FAM120B: variants seen among roughly 807,000 people sequenced by gnomAD.
FAM120B encodes the protein constitutive coactivator of peroxisome proliferator-activated receptor gamma.
In FAM120B, 83 loss-of-function variants were observed where a neutral mutation model predicts 96.3. The observed-to-expected ratio is 0.86, with a 90% CI of 0.72 to 1.03. The LOEUF (loss-of-function observed/expected upper bound fraction) is 1.03. Ranked by LOEUF, FAM120B falls within the 50% of genes least tolerant of loss-of-function variation. The pLI is 0.00. For missense variants in FAM120B, 1,027 were observed against 1,121.2 expected (o/e 0.92, Z 1.20); for synonymous variants, 407 against 402.7 (o/e 1.01, Z -0.13).
At chr6:170,339,356 T>C (rs1006495056) in intron 4 of FAM120B, among the ~76,000 whole-genome samples, 4 of 152,096 alleles carry the variant, frequency 2.6e-5, no homozygotes, top group African/African-American at 9.7e-5. Context: ...TGTCAGTGTT[T>C]TTGCCATTTT....
At chr6:170,337,947 T>C (rs1786550850) in intron 4 of FAM120B, among the ~76,000 whole-genome samples, 1 of 152,190 alleles carries the variant, frequency 6.6e-6, no homozygotes, top group African/African-American at 2.4e-5. Flanking sequence ...TAGCAGTCTA[T>C]CTATTTTGTT....
chr6:170,331,642 T>C (rs1786044074), intron 4 of FAM120B, among the ~76,000 whole-genome samples: 1 of 152,238 alleles, frequency 6.6e-6, no homozygotes, highest in African/African-American at 2.4e-5. Context: ...TCTTTCCAAA[T>C]ATAATATGGA....
upstream of FAM120B, among the ~76,000 whole-genome samples, chr6:170,293,050 C>A (rs1783921105): frequency 6.6e-6 from 1 of 152,108 alleles, no homozygotes; most frequent in South Asian, 2.1e-4. Context: ...GGGGCCAGCT[C>A]AAATCCTAAT....
intron 6 of FAM120B, among the ~76,000 whole-genome samples, chr6:170,386,981 A>C (rs1047166979): frequency 6.6e-6 from 1 of 152,260 alleles, no homozygotes; most frequent in African/African-American, 2.4e-5. Context: ...GAAAAAGGAT[A>C]TAATGGATGC....
At chr6:170,384,590 G>T (rs115815500) in intron 6 of FAM120B, among the ~76,000 whole-genome samples, 1 of 152,108 alleles carries the variant, frequency 6.6e-6, no homozygotes, top group African/African-American at 2.4e-5. Context: ...GATTATTTCC[G>T]GATTCTCTAG....
At chr6:170,344,815 C>T (rs1198160713) in intron 4 of FAM120B, among the ~76,000 whole-genome samples, 4 of 152,222 alleles carry the variant, frequency 2.6e-5, no homozygotes, top group African/African-American at 9.6e-5. Flanking sequence ...TGCTGGTCTT[C>T]CTTAGGGCTT....
chr6:170,294,027 G>A (rs1000945136), upstream of FAM120B, among the ~76,000 whole-genome samples: 6 of 152,128 alleles, frequency 3.9e-5, no homozygotes, highest in Non-Finnish European at 1.5e-5. The surrounding 1 kb of genome is among the most constrained non-coding windows in gnomAD (Gnocchi z 7.9). Context: ...GACGCCATCA[G>A]CCCCCTAGCC....
chr6:170,387,660 A>T (rs1790262597), intron 6 of FAM120B, among the ~76,000 whole-genome samples: 1 of 152,246 alleles, frequency 6.6e-6, no homozygotes, highest in Non-Finnish European at 1.5e-5. Flanking sequence ...GTATGGTCTT[A>T]ATTTGCAAAG....
At chr6:170,354,646 G>A (rs186950575) in intron 5 of FAM120B, among the ~76,000 whole-genome samples, 11 of 152,220 alleles carry the variant, frequency 7.2e-5, no homozygotes, top group South Asian at 2.1e-4. Context: ...ACATATAGCC[G>A]GGCGCGGTGG....
At chr6:170,394,469 C>G (rs1178200890) in intron 8 of FAM120B, among the ~76,000 whole-genome samples, 2 of 151,400 alleles carry the variant, frequency 1.3e-5, no homozygotes, top group East Asian at 4.0e-4. Context: ...CAGCACAAGG[C>G]CACGCCTCCG....
intron 5 of FAM120B, among the ~76,000 whole-genome samples, chr6:170,351,902 T>C (rs1408871609): frequency 3.3e-5 from 5 of 152,148 alleles, no homozygotes; most frequent in African/African-American, 1.2e-4. Context: ...AATAACCAAC[T>C]AGCATCATGA....
intron 6 of FAM120B, among the ~76,000 whole-genome samples, chr6:170,361,950 C>T (rs557304256): frequency 3.3e-5 from 5 of 152,192 alleles, no homozygotes; most frequent in African/African-American, 1.2e-4. Flanking sequence ...CACACCACCA[C>T]ACCCGGCTAA....
At chr6:170,316,567 T>C (rs898759814) in intron 1 of FAM120B, among the ~76,000 whole-genome samples, 3 of 152,248 alleles carry the variant, frequency 2.0e-5, no homozygotes, top group African/African-American at 7.2e-5. Flanking sequence ...TGTAAACTAC[T>C]TTGTATCTGT....
intron 6 of FAM120B, among the ~76,000 whole-genome samples, chr6:170,371,185 C>T (rs1268215095): frequency 2.0e-5 from 3 of 152,040 alleles, no homozygotes; most frequent in Non-Finnish European, 4.4e-5. Context: ...TACCACTCAT[C>T]CATTTTCTGC....
rs556886823 is a variant in FAM120B at position 170,346,400 on chromosome 6, T to C, written c.2018-1751T>C. On this transcript the variant is annotated intron_variant, in intron 4 of 10. Coordinates refer to ENST00000476287, the MANE Select transcript of FAM120B (RefSeq NM_032448.3). ...TACATTGTTTTTATTTTCTTCTTTA[T>C]ACTTTCCTGTCTGAATTGTAGTCAA... is the stretch of plus-strand genomic sequence containing the variant. 4.9e-4 allele frequency among the ~76,000 whole-genome samples: 75 copies of C among 152,374 alleles called. 1 individual carries two copies. In the South Asian group the frequency reaches 0.015, roughly 31 times the overall value.
Position 170,319,077 on chromosome 6 carries a change from G to A in FAM120B, c.1687G>A (p.Glu563Lys), listed in dbSNP as rs895164979. The change falls in exon 2 of 11, where the codon GAA (glutamate) becomes AAA (lysine). Residue 563 changes from glutamate to lysine, a missense_variant. Around this residue, in one of 3 missense-constraint regions of FAM120B, gnomAD observed 880 missense variants for 980.9 expected, o/e 0.90. Transcript: ENST00000476287. The part of the protein sequence containing the change: ...KQEDPTNVGP[E>K]VKQQVTMVSD... ...AGAAGACCCCACAAATGTGGGGCCTGAAGTAAAGCAACAAGTAACCATGGT... is the reference window on the plus strand; with the variant it reads ...AGAAGACCCCACAAATGTGGGGCCTAAAGTAAAGCAACAAGTAACCATGGT... 6.3e-7 allele frequency: 1 copy of A among 1,587,222 alleles called. No individual in the cohort carries two copies. The highest frequency in any genetic ancestry group is 8.6e-7 in the Non-Finnish European group (1 of 1,168,126).
intron 5 of FAM120B, among the ~76,000 whole-genome samples, chr6:170,353,340 A>G (rs1787699866): frequency 6.6e-6 from 1 of 152,220 alleles, no homozygotes; most frequent in African/African-American, 2.4e-5. Context: ...AGCTGGCACC[A>G]TTTCTACTGA....
intron 5 of FAM120B, among the ~76,000 whole-genome samples, chr6:170,356,501 A>G (rs1787960979): frequency 6.6e-6 from 1 of 152,318 alleles, no homozygotes; most frequent in East Asian, 1.9e-4. Flanking sequence ...CATACTGTTC[A>G]GTGCATGAAA....
At chr6:170,321,914 CTT>C (rs1000123893) in intron 2 of FAM120B, among the ~76,000 whole-genome samples, 212 of 152,318 alleles carry the variant, frequency 1.4e-3, no homozygotes, top group African/African-American at 4.9e-3. Flanking sequence ...ATGAGACACT[CTT>C]AGGATTCAGA....
Sources: allele counts gnomAD v4.1 joint callset (sites outside exome capture counted in the v4.1 genomes callset), GRCh38; gene constraint gnomAD v4.1.1; regional missense constraint gnomAD v4.1.1; non-coding constraint Gnocchi (gnomAD v3.1); transcripts MANE v1.5; gene names NCBI Gene and HGNC (gene_info 2026-07-23, HGNC 2026-07-21).